Variants in ANO2 observed in about 807,000 individuals in gnomAD.
ANO2 encodes the protein anoctamin 2.
Under a neutral mutation model 124.2 loss-of-function variants are expected in ANO2, and 101 were observed. The observed-to-expected ratio is 0.81, with a 90% CI of 0.69 to 0.96. ANO2 has a LOEUF of 0.96. Among genes scored for constraint, ANO2 ranks in the 40% least tolerant of loss-of-function variants. The pLI is 0.00. For missense variants in ANO2, 1,293 were observed against 1,274.5 expected, an observed-to-expected ratio of 1.01 and a Z score of -0.22; for synonymous variants, 486 against 482.5, an observed-to-expected ratio of 1.01 and a Z score of -0.09.
Position 5,701,891 on chromosome 12 carries a change from C to T in ANO2, c.1545+30629G>A, listed in dbSNP as rs1165643945. Reference sequence around the variant, plus strand: ...TTCTCTAGCATCTCAAGTCTCTGTTCAACTTTCTTCTCACCCAAATACAAC... The same window carrying T: ...TTCTCTAGCATCTCAAGTCTCTGTTTAACTTTCTTCTCACCCAAATACAAC... On this transcript the variant is annotated intron_variant, in intron 14 of 24. Transcript: ENST00000682330. Among the ~76,000 whole-genome samples the T allele has an allele frequency of 2.0e-5, 3 of 152,286 alleles. No individual in the cohort carries two copies. In the East Asian group the frequency reaches 5.8e-4, roughly 29 times the overall value.
At chr12:5,923,389 T>TG (rs573250747) in intron 1 of ANO2, among the ~76,000 whole-genome samples, 29 of 152,150 alleles carry the variant, frequency 1.9e-4, no homozygotes, top group East Asian at 7.7e-4. Flanking sequence ...GTCAGGGTGG[T>TG]GGGGGGGCAC....
At chr12:5,924,344 T>G (rs1256462283) in intron 1 of ANO2, among the ~76,000 whole-genome samples, 6 of 152,186 alleles carry the variant, frequency 3.9e-5, no homozygotes, top group Non-Finnish European at 8.8e-5. Flanking sequence ...AGAGGAAAGC[T>G]TTCATCATTC....
At chr12:5,645,206 C>T (rs374298715) in intron 15 of ANO2, among the ~76,000 whole-genome samples, 3 of 152,174 alleles carry the variant, frequency 2.0e-5, no homozygotes, top group East Asian at 1.9e-4. Flanking sequence ...TGCTGTATTA[C>T]GGATAATTTA....
At chr12:5,870,900 T>C (rs1483482385) in intron 3 of ANO2, among the ~76,000 whole-genome samples, 2 of 152,246 alleles carry the variant, frequency 1.3e-5, no homozygotes, top group African/African-American at 4.8e-5. Flanking sequence ...AGGGGGGCAC[T>C]ACCATGGAGA....
chr12:5,906,582 G>C (rs1404505851), intron 3 of ANO2, among the ~76,000 whole-genome samples: 2 of 152,030 alleles, frequency 1.3e-5, no homozygotes, highest in Non-Finnish European at 2.9e-5. Flanking sequence ...AGATCACGAG[G>C]TCAAGAGATT....
At chr12:5,768,492 C>G (rs1951967698) in intron 10 of ANO2, among the ~76,000 whole-genome samples, 1 of 152,214 alleles carries the variant, frequency 6.6e-6, no homozygotes, top group Non-Finnish European at 1.5e-5. Flanking sequence ...AGAGACATTT[C>G]ATATTCATTA....
intron 13 of ANO2, among the ~76,000 whole-genome samples, chr12:5,734,302 G>A (rs1425092128): frequency 6.6e-6 from 1 of 152,252 alleles, no homozygotes; most frequent in Non-Finnish European, 1.5e-5. Flanking sequence ...ACTTAGAGAA[G>A]TATGGTTTGA....
intron 23 of ANO2, among the ~76,000 whole-genome samples, chr12:5,571,098 C>T (rs1259496228): frequency 6.6e-6 from 1 of 152,132 alleles, no homozygotes; most frequent in African/African-American, 2.4e-5. Context: ...TGGCAGAAGC[C>T]ATCCACAGAA....
chr12:5,818,845 A>T (rs1473905531), intron 7 of ANO2, among the ~76,000 whole-genome samples: 1 of 152,140 alleles, frequency 6.6e-6, no homozygotes. Context: ...CAAGGAACAT[A>T]ATGAAGCGGT....
chr12:5,728,592 A>G lies in ANO2; in HGVS notation c.1545+3928T>C, dbSNP rs1950527072. Reference sequence around the variant, plus strand: ...AAAATTAGTCTATAGATTCAACTCAATCCCTAGCAAAATCCCAGCTTGCTT... The same window carrying G: ...AAAATTAGTCTATAGATTCAACTCAGTCCCTAGCAAAATCCCAGCTTGCTT... On this transcript the variant is annotated intron_variant, in intron 14 of 24. Coordinates refer to ENST00000682330, the MANE Select transcript of ANO2 (RefSeq NM_001364791.2). Among the ~76,000 whole-genome samples the G allele has an allele frequency of 4.6e-5, 7 of 152,324 alleles. No homozygotes were observed. In the South Asian group the frequency reaches 8.3e-4, roughly 18 times the overall value.
At chr12:5,714,407 C>T (rs1206294290) in intron 14 of ANO2, among the ~76,000 whole-genome samples, 2 of 152,166 alleles carry the variant, frequency 1.3e-5, no homozygotes, top group South Asian at 2.1e-4. Flanking sequence ...TTATACACCA[C>T]GCACAAGAAA....
chr12:5,818,956 C>T (rs1953699153), intron 7 of ANO2, among the ~76,000 whole-genome samples: 1 of 152,152 alleles, frequency 6.6e-6, no homozygotes, highest in Non-Finnish European at 1.5e-5. Context: ...ATCAAATCTG[C>T]TAAGATGGCC....
intron 20 of ANO2, among the ~76,000 whole-genome samples, chr12:5,582,657 C>T (rs1403067348): frequency 1.3e-5 from 2 of 152,300 alleles, no homozygotes; most frequent in Non-Finnish European, 1.5e-5. Context: ...CCTCCCCACC[C>T]ATGTTCTGTG....
intron 10 of ANO2, among the ~76,000 whole-genome samples, chr12:5,794,500 T>A (rs981692160): frequency 1.3e-5 from 2 of 151,872 alleles, no homozygotes; most frequent in Admixed American, 1.3e-4. Context: ...TCCAGGCTGG[T>A]TACAAAGACA....
chr12:5,827,214 AAT>A lies in ANO2; in HGVS notation c.892+553_892+554del, dbSNP rs560985656. Among the ~76,000 whole-genome samples the A allele has an allele frequency of 2.6e-5, 4 of 152,270 alleles. No individual in the cohort carries two copies. In the East Asian group the frequency reaches 7.7e-4, roughly 29 times the overall value. On this transcript the variant is annotated intron_variant, in intron 7 of 24. Transcript: ENST00000682330. ...ACTTGGTCCCAAATGCTTCCAAGAC[AAT>A]TACCCTAATATTTAAGAAACAAACC... is the stretch of plus-strand genomic sequence containing the variant.
chr12:5,777,415 A>T (rs1351005193), intron 10 of ANO2, among the ~76,000 whole-genome samples: 1 of 111,002 alleles, frequency 9.0e-6, no homozygotes, highest in East Asian at 2.1e-4. Context: ...AAAAATCAGG[A>T]GAAGAAAGAA....
chr12:5,869,823 T>C (rs534069838), intron 3 of ANO2, among the ~76,000 whole-genome samples: 3 of 152,294 alleles, frequency 2.0e-5, no homozygotes, highest in African/African-American at 7.2e-5. Flanking sequence ...CCCTTTCAGC[T>C]GATAACTTCA....
At position 5,565,642 on chromosome 12, in the gene ANO2, C is replaced by T. The variant is rs201033330; in HGVS notation, c.2643G>A (p.Pro881=). The T allele has an allele frequency of 1.1e-4, 178 of 1,600,904 alleles. No homozygotes were observed. In the African/African-American group the frequency reaches 1.7e-3, roughly 15 times the overall value. The change falls in exon 24 of 25, where the codon CCG becomes CCA. Residue 881 remains proline, a synonymous_variant. Coordinates refer to ENST00000682330, the MANE Select transcript of ANO2 (RefSeq NM_001364791.2). ...ACTCATAAGGGTTCGGGGCCCATGG[C>T]GGCTCTCGGTAATCCTTAAACCTGC... ...QFCRFKDYRE[P]PWAPNPYEFS... is the part of the protein sequence containing the mutation.
intron 3 of ANO2, among the ~76,000 whole-genome samples, chr12:5,866,070 C>T (rs1955419519): frequency 6.6e-6 from 1 of 152,188 alleles, no homozygotes. Flanking sequence ...AAGCCTATGC[C>T]CAATTAGTTT....
Sources: gnomAD v4.1 joint callset for allele counts (sites outside exome capture counted in the v4.1 genomes callset) on GRCh38, gnomAD v4.1.1 for gene constraint, MANE v1.5 for transcripts, NCBI Gene and HGNC (gene_info 2026-07-23, HGNC 2026-07-21) for gene names.